Variants in GALNT13 observed in about 807,000 individuals in gnomAD.
GALNT13 encodes the protein UDP-GalNAc:polypeptide N-acetylgalactosaminyltransferase 13.
In GALNT13, 28 loss-of-function variants were observed where a neutral mutation model predicts 64.2. The ratio of observed to expected loss-of-function variants is 0.44; its 90% CI spans 0.32 to 0.60. The LOEUF is 0.60. Among genes scored for constraint, GALNT13 ranks in the 20% least tolerant of loss-of-function variants. GALNT13 has a pLI of 0.05. For missense variants in GALNT13, 577 were observed against 669.8 expected (o/e 0.86, Z 1.53); for synonymous variants, 214 against 224.6 (o/e 0.95, Z 0.42).
the GALNT13 span, among the ~76,000 whole-genome samples, chr2:153,205,078 G>A: frequency 6.6e-6 from 1 of 151,956 alleles, no homozygotes; most frequent in Non-Finnish European, 1.5e-5. Flanking sequence ...ATTCTGAAGG[G>A]AACATGATAC....
At chr2:153,068,701 G>A in the GALNT13 span, among the ~76,000 whole-genome samples, 21 of 152,278 alleles carry the variant, frequency 1.4e-4, no homozygotes, top group East Asian at 3.9e-3. Context: ...CTTGGTGCCT[G>A]TTGAGTGCTG....
At chr2:154,320,137 AGAT>A (rs1559088725) in intron 9 of GALNT13, among the ~76,000 whole-genome samples, 1 of 152,148 alleles carries the variant, frequency 6.6e-6, no homozygotes, top group African/African-American at 2.4e-5. Context: ...CTATTTACCA[AGAT>A]GAGGTTTTTC....
At chr2:153,613,068 C>T in the GALNT13 span, among the ~76,000 whole-genome samples, 56 of 152,200 alleles carry the variant, frequency 3.7e-4, no homozygotes, top group East Asian at 9.7e-3. Flanking sequence ...ATAAATTCCT[C>T]ATTATTCATG....
At chr2:154,002,808 A>T (rs1695997515) in intron 3 of GALNT13, among the ~76,000 whole-genome samples, 1 of 152,164 alleles carries the variant, frequency 6.6e-6, no homozygotes, top group East Asian at 1.9e-4. Flanking sequence ...AATTGTTACC[A>T]GAGTTTAATC....
At chr2:153,488,012 A>G in the GALNT13 span, among the ~76,000 whole-genome samples, 1 of 152,250 alleles carries the variant, frequency 6.6e-6, no homozygotes. Context: ...AACTTCTGGG[A>G]ACAGCATAAA....
chr2:153,195,890 G>T, the GALNT13 span, among the ~76,000 whole-genome samples: 1 of 152,120 alleles, frequency 6.6e-6, no homozygotes, highest in Admixed American at 6.5e-5. Flanking sequence ...CTAGAACTAG[G>T]GTGTCCCATG....
intron 4 of GALNT13, among the ~76,000 whole-genome samples, chr2:154,227,126 T>C (rs2105836802): frequency 6.6e-6 from 1 of 152,128 alleles, no homozygotes; most frequent in East Asian, 1.9e-4. Flanking sequence ...ACTTCTAGGC[T>C]CAGTACATTC....
chr2:154,173,814 G>A (rs1685497951), intron 4 of GALNT13, among the ~76,000 whole-genome samples: 1 of 152,074 alleles, frequency 6.6e-6, no homozygotes. Flanking sequence ...AGAGAAATGT[G>A]AAGCAAAACT....
the GALNT13 span, among the ~76,000 whole-genome samples, chr2:153,332,534 G>T: frequency 1.6e-4 from 22 of 136,244 alleles, no homozygotes; most frequent in African/African-American, 1.9e-4. Context: ...TGAGAGTATT[G>T]TTTTTTTTTT....
At chr2:153,314,510 G>A in the GALNT13 span, among the ~76,000 whole-genome samples, 56,322 of 151,796 alleles carry the variant, frequency 0.37, 11,100 homozygotes, top group Non-Finnish European at 0.46. Context: ...TATATTTGGA[G>A]CATCCTTCCA....
At chr2:154,043,504 C>T (rs1300536317) in intron 3 of GALNT13, among the ~76,000 whole-genome samples, 1 of 144,526 alleles carries the variant, frequency 6.9e-6, no homozygotes, top group African/African-American at 2.6e-5. Context: ...AATAAGGTCT[C>T]TATTTAAAAA....
the GALNT13 span, among the ~76,000 whole-genome samples, chr2:153,328,793 C>G: frequency 9.2e-5 from 14 of 152,168 alleles, no homozygotes; most frequent in African/African-American, 3.4e-4. Flanking sequence ...CTAGCTTCAG[C>G]CCCCTTTCCA....
At chr2:154,236,633 A>G (rs752735569) in intron 4 of GALNT13, among the ~76,000 whole-genome samples, 1 of 152,086 alleles carries the variant, frequency 6.6e-6, no homozygotes, top group Non-Finnish European at 1.5e-5. Context: ...CTTGATTTGG[A>G]CATCAAATAT....
chr2:153,577,326 G>A, the GALNT13 span, among the ~76,000 whole-genome samples: 1 of 152,152 alleles, frequency 6.6e-6, no homozygotes, highest in South Asian at 2.1e-4. Context: ...TTTAAAACTA[G>A]GAGTGTCAGA....
At chr2:153,336,772 AG>A in the GALNT13 span, among the ~76,000 whole-genome samples, 1 of 152,146 alleles carries the variant, frequency 6.6e-6, no homozygotes, top group East Asian at 1.9e-4. Context: ...TGAGATTTGG[AG>A]GGGCTAGGGG....
intron 2 of GALNT13, among the ~76,000 whole-genome samples, chr2:153,915,588 C>T (rs781273419): frequency 2.6e-5 from 4 of 152,122 alleles, no homozygotes; most frequent in Non-Finnish European, 4.4e-5. Flanking sequence ...TTTTGTTCAT[C>T]TCTTTGCCTG....
the GALNT13 span, among the ~76,000 whole-genome samples, chr2:153,468,345 G>A: frequency 7.9e-5 from 12 of 152,054 alleles, no homozygotes; most frequent in Middle Eastern, 3.4e-3. Flanking sequence ...CTTTGTTTGC[G>A]TTGTAGAATG....
the GALNT13 span, among the ~76,000 whole-genome samples, chr2:153,210,232 G>T: frequency 6.6e-6 from 1 of 152,150 alleles, no homozygotes; most frequent in Non-Finnish European, 1.5e-5. Flanking sequence ...AGTAGTAAGA[G>T]AGGACCTTCT....
At chr2:153,257,178 G>C in the GALNT13 span, among the ~76,000 whole-genome samples, 1 of 152,214 alleles carries the variant, frequency 6.6e-6, no homozygotes, top group Non-Finnish European at 1.5e-5. Flanking sequence ...AAGCCCGTCG[G>C]AAAAGCGCAG....
Sources: allele counts gnomAD v4.1 joint callset (sites outside exome capture counted in the v4.1 genomes callset), GRCh38; gene constraint gnomAD v4.1.1; transcripts MANE v1.5; gene names NCBI Gene and HGNC (gene_info 2026-07-23, HGNC 2026-07-21).